The following TBC1D5 variants were observed in gnomAD, a reference collection of about 807,000 sequenced individuals.
TBC1D5 encodes TBC1 domain family member 5, also known as TBC1 domain family, member 5.
TBC1D5 carries 75 observed loss-of-function variants against 100.3 expected under a neutral mutation model. The ratio of observed to expected loss-of-function variants is 0.75; its 90% confidence interval spans 0.62 to 0.91. TBC1D5 has a LOEUF of 0.91. TBC1D5 is among the 40% of genes least tolerant of loss of function. The pLI is 0.00. For synonymous variants in TBC1D5, 323 were observed against 325.6 expected (o/e 0.99, Z 0.09); for missense variants, 910 against 942.4 (o/e 0.97, Z 0.45).
chr3:17,223,509 C>T (rs545333446), intron 17 of TBC1D5, among the ~76,000 whole-genome samples: 1 of 152,222 alleles, frequency 6.6e-6, no homozygotes, highest in Non-Finnish European at 1.5e-5. Flanking sequence ...TGCTCAAGAA[C>T]ACAGTTATAA....
intron 3 of TBC1D5, among the ~76,000 whole-genome samples, chr3:17,433,711 G>A (rs891972876): frequency 2.0e-5 from 3 of 151,958 alleles, no homozygotes; most frequent in African/African-American, 7.3e-5. Context: ...CAACAGTCCT[G>A]CAAAGTCTTA....
At chr3:17,321,994 C>A (rs200111139) in intron 13 of TBC1D5, among the ~76,000 whole-genome samples, 2 of 152,142 alleles carry the variant, frequency 1.3e-5, no homozygotes, top group East Asian at 3.8e-4. Context: ...CCATGAATTA[C>A]GAGAGGTACA....
At chr3:17,537,250 A>C (rs894982318) in intron 2 of TBC1D5, among the ~76,000 whole-genome samples, 7 of 152,220 alleles carry the variant, frequency 4.6e-5, no homozygotes, top group African/African-American at 1.7e-4. Context: ...ATAAAAACCT[A>C]ATGAGAGATG....
intron 21 of TBC1D5, among the ~76,000 whole-genome samples, chr3:17,163,152 G>T (rs2125046530): frequency 6.6e-6 from 1 of 152,228 alleles, no homozygotes; most frequent in East Asian, 1.9e-4. Context: ...CATTACTGTA[G>T]TTATCTGGCA....
intron 1 of TBC1D5, among the ~76,000 whole-genome samples, chr3:17,681,321 G>A (rs192774815): frequency 6.6e-6 from 1 of 151,664 alleles, no homozygotes; most frequent in East Asian, 1.9e-4. Context: ...GCACATTCAA[G>A]TACAAATACG....
At chr3:17,428,178 T>C (rs1330139588) in intron 4 of TBC1D5, among the ~76,000 whole-genome samples, 2 of 151,800 alleles carry the variant, frequency 1.3e-5, no homozygotes, top group Non-Finnish European at 3.0e-5. Context: ...TTCATTCCAA[T>C]TACCCTACTA....
intron 1 of TBC1D5, among the ~76,000 whole-genome samples, chr3:17,650,268 G>A (rs900316205): frequency 1.3e-5 from 2 of 151,864 alleles, no homozygotes; most frequent in African/African-American, 4.8e-5. Context: ...TCCTGCACAT[G>A]TACCCCAGAA....
intron 19 of TBC1D5, chr3:17,184,781 A>G (rs1035638243): frequency 3.8e-5 from 6 of 159,812 alleles, no homozygotes; most frequent in Non-Finnish European, 8.2e-5. Flanking sequence ...CCTGGCCTCA[A>G]ATCTTCCCAC....
chr3:17,166,591 G>A (rs911436985), intron 21 of TBC1D5, among the ~76,000 whole-genome samples, 176 bp downstream of exon 22: 2 of 152,206 alleles, frequency 1.3e-5, no homozygotes, highest in African/African-American at 2.4e-5. Context: ...ATTGTGAATG[G>A]CACCCCCTGC....
At chr3:17,231,501 A>G (rs2075414214) in intron 17 of TBC1D5, among the ~76,000 whole-genome samples, 1 of 152,172 alleles carries the variant, frequency 6.6e-6, no homozygotes, top group South Asian at 2.1e-4. Context: ...TCATTAAAAA[A>G]AGACTATCTA....
chr3:17,504,299 G>T (rs1420333969), intron 3 of TBC1D5, among the ~76,000 whole-genome samples: 2 of 29,696 alleles, frequency 6.7e-5, no homozygotes, highest in Admixed American at 2.8e-4. Flanking sequence ...GAGGGGGGAG[G>T]GGGGAGAGAT....
At chr3:17,213,879 T>C (rs1178261289) in intron 18 of TBC1D5, among the ~76,000 whole-genome samples, 1 of 152,000 alleles carries the variant, frequency 6.6e-6, no homozygotes, top group Non-Finnish European at 1.5e-5. Flanking sequence ...TTGGTTTGTT[T>C]CAAGTTCCAT....
intron 1 of TBC1D5, among the ~76,000 whole-genome samples, chr3:17,711,045 T>A (rs1393488512): frequency 6.6e-6 from 1 of 152,140 alleles, no homozygotes; most frequent in Non-Finnish European, 1.5e-5. Flanking sequence ...AAATCTTTAT[T>A]ATAATATCCC....
intron 13 of TBC1D5, among the ~76,000 whole-genome samples, chr3:17,317,074 C>A (rs551456465): frequency 1.7e-4 from 26 of 152,230 alleles, no homozygotes; most frequent in Admixed American, 4.6e-4. Flanking sequence ...TTTTTCTGTG[C>A]CCCCTCCACG....
chr3:17,287,993 T>C (rs1365825330), intron 15 of TBC1D5, among the ~76,000 whole-genome samples: 1 of 152,222 alleles, frequency 6.6e-6, no homozygotes, highest in Non-Finnish European at 1.5e-5. Flanking sequence ...GTTAATTTCA[T>C]TGAGAATTGT....
intron 17 of TBC1D5, among the ~76,000 whole-genome samples, chr3:17,233,354 TG>T (rs1362923411): frequency 6.6e-6 from 1 of 152,188 alleles, no homozygotes; most frequent in Admixed American, 6.6e-5. Flanking sequence ...AGAGCACCAG[TG>T]TAACAAAAAG....
rs775515392 is a variant in TBC1D5, at chr3:17,383,919, A to C, written c.606T>G (p.Tyr202Ter). ...TGTAAGATATTTTCATTACCTGTTT[A>C]TAAAGCAACTGCTCGTTTTCTCTGG... Residue 202 changes from tyrosine (Y) to a stop codon, truncating the protein, a stop_gained, in exon 9 of 22, where the codon TAT becomes TAG. Transcript: ENST00000253692. LOFTEE classifies it high-confidence loss of function. 2 of 1,597,642 alleles carry C rather than the reference A, an allele frequency of 1.3e-6. No homozygotes were observed. The highest frequency in any genetic ancestry group is 1.7e-6 in the Non-Finnish European group (2 of 1,168,468).
intron 3 of TBC1D5, among the ~76,000 whole-genome samples, chr3:17,506,501 T>C (rs1158066423): frequency 6.6e-6 from 1 of 152,190 alleles, no homozygotes; most frequent in Non-Finnish European, 1.5e-5. Flanking sequence ...CTATCGAAAG[T>C]TTCTATTCAT....
chr3:17,205,295 C>T (rs1364612074), intron 18 of TBC1D5, among the ~76,000 whole-genome samples: 1 of 152,122 alleles, frequency 6.6e-6, no homozygotes, highest in African/African-American at 2.4e-5. Context: ...AATTCCATCC[C>T]TAAGCTCATA....
Sources: gnomAD v4.1 joint callset for allele counts (sites outside exome capture counted in the v4.1 genomes callset) on GRCh38, gnomAD v4.1.1 for gene constraint, MANE v1.5 for transcripts, NCBI Gene and HGNC (gene_info 2026-07-23, HGNC 2026-07-21) for gene names.